DPYD: variants seen among roughly 807,000 people sequenced by gnomAD.
DPYD encodes the protein dihydropyrimidine dehydrogenase, also known as dihydropyrimidine dehydrogenase [NADP(+)].
Under a neutral mutation model 116.2 loss-of-function variants are expected in DPYD, and 109 were observed. That is an observed-to-expected ratio of 0.94 (90% CI 0.80 to 1.10). DPYD has a LOEUF of 1.10. DPYD is among the 50% of genes least tolerant of loss of function. The pLI is 0.00. For missense variants in DPYD, 1,302 were observed against 1,254.5 expected (o/e 1.04, Z -0.57); for synonymous variants, 440 against 432.0 (o/e 1.02, Z -0.23).
intron 2 of DPYD, among the ~76,000 whole-genome samples, chr1:97,838,033 A>T (rs1187690160): frequency 6.6e-6 from 1 of 152,188 alleles, no homozygotes; most frequent in African/African-American, 2.4e-5. Context: ...ACAAAATAAA[A>T]AAGAATTTTT....
intron 16 of DPYD, among the ~76,000 whole-genome samples, chr1:97,344,704 C>T (rs1299521853): frequency 6.6e-6 from 1 of 151,758 alleles, no homozygotes; most frequent in Non-Finnish European, 1.5e-5. Context: ...GACAGAGTAT[C>T]CCATTGTGTA....
At chr1:97,592,610 G>A (rs1018799997) in intron 10 of DPYD, among the ~76,000 whole-genome samples, 4 of 152,008 alleles carry the variant, frequency 2.6e-5, no homozygotes, top group Non-Finnish European at 4.4e-5. Context: ...CTTGTGATCC[G>A]CCGGCCTCAG....
rs1553233231 is a variant in DPYD at position 97,751,460 on chromosome 1, G to GTATATATATATATA, written c.234-10995_234-10982dup. 1.3e-3 allele frequency among the ~76,000 whole-genome samples: 28 copies of GTATATATATATATA among 21,284 alleles called. 2 individuals are homozygous for GTATATATATATATA. Among genetic ancestry groups the GTATATATATATATA allele is most frequent in the Middle Eastern group, 0.033 (1 of 30 alleles). The allele number at this position is 21,284 out of a possible 152,430, so 14.0% of individuals were successfully genotyped here. Reference sequence around the variant, plus strand: ...TGTGTGTGTGTGTGTGTGTGTGTGTGTATATATATATATATATATATATAT... The same window carrying GTATATATATATATA: ...TGTGTGTGTGTGTGTGTGTGTGTGTGTATATATATATATATATATATATATATATATATATATAT... On this transcript the variant is annotated intron_variant, in intron 3 of 22. Transcript: ENST00000370192.
At chr1:97,754,731 C>A (rs115704258) in intron 3 of DPYD, among the ~76,000 whole-genome samples, 1 of 152,230 alleles carries the variant, frequency 6.6e-6, no homozygotes, top group Non-Finnish European at 1.5e-5. Flanking sequence ...GTGGTGGAGT[C>A]AGATAAATAA....
chr1:97,135,960 C>T (rs1331952069), intron 20 of DPYD, among the ~76,000 whole-genome samples: 3 of 152,194 alleles, frequency 2.0e-5, no homozygotes, highest in Admixed American at 6.5e-5. Context: ...CCAGGATCAC[C>T]GTTCTTTAAA....
At chr1:97,886,679 C>A (rs1370860557) in intron 1 of DPYD, among the ~76,000 whole-genome samples, 1 of 151,952 alleles carries the variant, frequency 6.6e-6, no homozygotes, top group East Asian at 1.9e-4. Context: ...GAGGTCCCCC[C>A]AAAGGAACTG....
intron 13 of DPYD, among the ~76,000 whole-genome samples, chr1:97,475,146 C>A (rs1677882964): frequency 1.3e-5 from 2 of 152,016 alleles, no homozygotes; most frequent in Non-Finnish European, 2.9e-5. Flanking sequence ...TGTGGGCATT[C>A]ATTCATGTTT....
chr1:97,710,828 GTTAA>G (rs1227344742), intron 5 of DPYD, among the ~76,000 whole-genome samples: 3 of 151,712 alleles, frequency 2.0e-5, no homozygotes, highest in Non-Finnish European at 4.4e-5. Context: ...CTGGAACAGG[GTTAA>G]TTTTCACAAA....
chr1:97,397,211 T>G (rs1289581512), intron 14 of DPYD, among the ~76,000 whole-genome samples: 1 of 152,044 alleles, frequency 6.6e-6, no homozygotes, highest in Non-Finnish European at 1.5e-5. Flanking sequence ...GAAACTACCA[T>G]GACTAATATA....
At chr1:97,323,677 T>C (rs556265666) in intron 16 of DPYD, among the ~76,000 whole-genome samples, 1 of 90,714 alleles carries the variant, frequency 1.1e-5, no homozygotes, top group Non-Finnish European at 2.4e-5. Flanking sequence ...ATATCATATA[T>C]ATACATATAT....
intron 5 of DPYD, among the ~76,000 whole-genome samples, chr1:97,712,892 G>A (rs1557901126): frequency 6.6e-6 from 1 of 152,008 alleles, no homozygotes; most frequent in African/African-American, 2.4e-5. Flanking sequence ...TTTCTATGAG[G>A]TGGAGCTGAG....
chr1:97,837,413 T>C (rs984955456), intron 2 of DPYD, among the ~76,000 whole-genome samples: 2 of 152,154 alleles, frequency 1.3e-5, no homozygotes, highest in African/African-American at 2.4e-5. Flanking sequence ...TCAGAAGGCA[T>C]TTTAAAATTA....
At chr1:97,438,300 A>C (rs1033492323) in intron 14 of DPYD, among the ~76,000 whole-genome samples, 1 of 152,212 alleles carries the variant, frequency 6.6e-6, no homozygotes, top group Admixed American at 6.5e-5. Context: ...TCCATAGATA[A>C]AAATGGGAAG....
At chr1:97,748,616 T>C (rs1664693531) in intron 3 of DPYD, among the ~76,000 whole-genome samples, 1 of 151,950 alleles carries the variant, frequency 6.6e-6, no homozygotes, top group Non-Finnish European at 1.5e-5. Context: ...CTCAAATTAA[T>C]AAATAAAACA....
chr1:97,696,055 C>T (rs1015050838), intron 6 of DPYD, among the ~76,000 whole-genome samples: 1 of 150,460 alleles, frequency 6.6e-6, no homozygotes, highest in Non-Finnish European at 1.5e-5. Flanking sequence ...ACTTGAATCC[C>T]GGAGGTGGAG....
intron 11 of DPYD, among the ~76,000 whole-genome samples, chr1:97,566,374 T>C (rs1041455511): frequency 6.6e-6 from 1 of 152,174 alleles, no homozygotes; most frequent in Non-Finnish European, 1.5e-5. Context: ...CTAAGGTCCT[T>C]CTAGCACATT....
chr1:97,260,883 G>A (rs1663830055), intron 18 of DPYD, among the ~76,000 whole-genome samples: 1 of 152,058 alleles, frequency 6.6e-6, no homozygotes, highest in Non-Finnish European at 1.5e-5. Context: ...TCAGAGAGCA[G>A]GCAAGTTCCA....
Position 97,078,841 on chromosome 1 carries a change from T to G in DPYD, c.*135A>C, listed in dbSNP as rs1315140901. 1 of 1,063,624 alleles carries G rather than the reference T, an allele frequency of 9.4e-7. No individual in the cohort carries two copies. The highest frequency in any genetic ancestry group is 1.4e-6 in the Non-Finnish European group (1 of 712,156). 65.9% of individuals were successfully genotyped at this position (1,063,624 alleles called of 1,614,324 possible). A position where few individuals can be genotyped will look rare whatever the true frequency, so the allele number is the denominator to read the frequency against. On this transcript the variant is annotated 3_prime_UTR_variant, in exon 23 of 23. Transcript: ENST00000370192. ...ATTTTTTACACTTACAAATGTATTT[T>G]GAAATTACATATTTTTATTTAGAAA...
chr1:97,150,053 C>T (rs1353629488), intron 20 of DPYD, among the ~76,000 whole-genome samples: 1 of 152,134 alleles, frequency 6.6e-6, no homozygotes, highest in Admixed American at 6.6e-5. Context: ...ACTTGTGCCA[C>T]AAAGGCCGTC....
Sources: allele counts gnomAD v4.1 joint callset (sites outside exome capture counted in the v4.1 genomes callset), GRCh38; gene constraint gnomAD v4.1.1; transcripts MANE v1.5; gene names NCBI Gene and HGNC (gene_info 2026-07-23, HGNC 2026-07-21).